Variants in SNRK observed in about 807,000 individuals in gnomAD.
SNRK encodes the protein SNF-related serine/threonine-protein kinase.
SNRK carries 3 observed loss-of-function variants against 48.2 expected under a neutral mutation model. That is an observed-to-expected ratio of 0.06 (90% CI 0.03 to 0.16). SNRK has a LOEUF of 0.16. Ranked by LOEUF, SNRK falls within the 10% of genes least tolerant of loss-of-function variation. SNRK has a pLI of 1.00. For synonymous variants in SNRK, 376 were observed against 366.1 expected (o/e 1.03, Z -0.31); for missense variants, 627 against 976.0 (o/e 0.64, Z 4.76).
At chr3:43,287,141 C>G (rs901284437) in intron 1 of SNRK, among the ~76,000 whole-genome samples, 1 of 151,608 alleles carries the variant, frequency 6.6e-6, no homozygotes, top group African/African-American at 2.4e-5. Context: ...GAAATCCGGC[C>G]TCAGCAAAAG....
chr3:43,292,500 T>C (rs1336167837), intron 1 of SNRK, among the ~76,000 whole-genome samples: 1 of 152,244 alleles, frequency 6.6e-6, no homozygotes, highest in East Asian at 1.9e-4. Context: ...TCCATTTGTT[T>C]TGTCCAGCAC....
Position 43,348,030 on chromosome 3 carries a change from G to A in SNRK, c.1771G>A (p.Gly591Arg), listed in dbSNP as rs2091291294. The change falls in exon 7 of 7, where the codon GGA becomes AGA. Residue 591 changes from glycine (G) to arginine (R), a missense_variant. This residue lies in a region of SNRK where 207 missense variants were observed against 234.3 expected (regional missense o/e 0.88). Transcript: ENST00000296088. ...CCAGAGCAAGCCAAGCAATGCCAGT[G>A]GAGGGGTGGACAAGGCCAGCCCCAG... ...GGQSKPSNAS[G>R]GVDKASPSEN... The A allele has an allele frequency of 6.2e-7, 1 of 1,610,332 alleles. No homozygotes were observed. Among genetic ancestry groups the A allele is most frequent in the Non-Finnish European group, 8.5e-7 (1 of 1,178,070 alleles).
At chr3:43,343,071 A>T (rs991850392) in intron 5 of SNRK, among the ~76,000 whole-genome samples, 3 of 152,194 alleles carry the variant, frequency 2.0e-5, no homozygotes, top group Non-Finnish European at 4.4e-5. Context: ...TCTAAAACTG[A>T]CGTCTAACTC....
intron 1 of SNRK, among the ~76,000 whole-genome samples, chr3:43,295,840 GC>G (rs2125614455): frequency 6.6e-6 from 1 of 152,294 alleles, no homozygotes; most frequent in Non-Finnish European, 1.5e-5. Flanking sequence ...CTGTGGTCAA[GC>G]GATTCTCCTG....
At chr3:43,297,800 ATATTT>A (rs1478198008) in intron 1 of SNRK, among the ~76,000 whole-genome samples, 1 of 152,186 alleles carries the variant, frequency 6.6e-6, no homozygotes, top group Admixed American at 6.5e-5. Flanking sequence ...ATTTTGTGAG[ATATTT>A]TATTGAAAAA....
chr3:43,339,130 A>G (rs1297772508), intron 4 of SNRK, among the ~76,000 whole-genome samples: 7 of 152,306 alleles, frequency 4.6e-5, no homozygotes, highest in East Asian at 3.9e-4. Context: ...TTACTTCTCT[A>G]CTAGTTGCCT....
intron 1 of SNRK, among the ~76,000 whole-genome samples, chr3:43,296,423 T>TATATATATATATTC (rs1553632591): frequency 7.0e-6 from 1 of 143,652 alleles, no homozygotes; most frequent in African/African-American, 2.6e-5. Context: ...GGCATATATA[T>TATATATATATATTC]ATATATATAT....
chr3:43,328,659 C>A (rs762038798), intron 3 of SNRK, among the ~76,000 whole-genome samples: 2 of 152,176 alleles, frequency 1.3e-5, no homozygotes, highest in Non-Finnish European at 2.9e-5. Context: ...TCTGGGGACC[C>A]AAGCTCCTGA....
At position 43,347,954 on chromosome 3, in the gene SNRK, C is replaced by T. The variant is rs2091290346; in HGVS notation, c.1695C>T (p.His565=). The part of the protein sequence containing the change: ...DKDSGFTYSW[H]RRDSSEGPPG... Reference sequence around the variant, plus strand: ...ATAGCGGGTTCACCTACTCCTGGCACCGACGGGATAGCAGCGAGGGGCCCC... The same window carrying T: ...ATAGCGGGTTCACCTACTCCTGGCATCGACGGGATAGCAGCGAGGGGCCCC... Residue 565 remains histidine (H), a synonymous_variant, in exon 7 of 7, where the codon CAC becomes CAT. Coordinates refer to ENST00000296088, the MANE Select transcript of SNRK (RefSeq NM_017719.5). The surrounding 1 kb of genome is among the most constrained non-coding windows in gnomAD (Gnocchi z 5.4). 3.7e-6 allele frequency: 6 copies of T among 1,614,122 alleles called. No homozygotes were observed. The East Asian group carries it at 1.3e-4, about 36-fold the overall frequency.
intron 3 of SNRK, among the ~76,000 whole-genome samples, chr3:43,328,751 G>A: frequency 6.6e-6 from 1 of 152,172 alleles, no homozygotes; most frequent in African/African-American, 2.4e-5. Flanking sequence ...ATCTCAAACT[G>A]TGTTGGCTTT....
At chr3:43,302,579 G>A (rs911649808) in intron 2 of SNRK, among the ~76,000 whole-genome samples, 4 of 151,702 alleles carry the variant, frequency 2.6e-5, no homozygotes, top group African/African-American at 9.7e-5. Context: ...GTGCTCTGGG[G>A]ATATTGAGGA....
rs1364757509 is a variant in SNRK, at chr3:43,288,243, T to G, written c.-169+1568T>G. Among the ~76,000 whole-genome samples, 4 of 152,208 alleles carry G rather than the reference T, an allele frequency of 2.6e-5. No individual in the cohort carries two copies. In the East Asian group the frequency reaches 7.7e-4, roughly 29 times the overall value. The stretch of plus-strand genomic sequence containing the variant: ...CTTTCAGTGCCACCTTTCAATTTTT[T>G]TTTAAATTTGTATAATCAGTTTTTA... On this transcript the variant is annotated intron_variant, in intron 1 of 6. Transcript: ENST00000296088.
At position 43,348,584 on chromosome 3, in the gene SNRK, G is replaced by A. The variant is rs377751138; in HGVS notation, c.*27G>A. The A allele has an allele frequency of 1.2e-5, 18 of 1,511,008 alleles. No homozygotes were observed. Among genetic ancestry groups the A allele is most frequent in the Non-Finnish European group, 1.6e-5 (18 of 1,134,728 alleles). The allele number at this position is 1,511,008 out of a possible 1,614,324, so 93.6% of individuals were successfully genotyped here. ...TGTGGCCCCATCTGGCCGCTAGCACGCTTCCTGCTCAGAGCAGTGAAGACC... is the reference window on the plus strand; with the variant it reads ...TGTGGCCCCATCTGGCCGCTAGCACACTTCCTGCTCAGAGCAGTGAAGACC... On this transcript the variant is annotated 3_prime_UTR_variant, in exon 7 of 7. Coordinates refer to ENST00000296088, the MANE Select transcript of SNRK (RefSeq NM_017719.5).
intron 1 of SNRK, among the ~76,000 whole-genome samples, chr3:43,293,465 G>T (rs1575529440): frequency 3.9e-5 from 6 of 152,228 alleles, no homozygotes; most frequent in Admixed American, 6.5e-5. Context: ...AGTAGTCTCT[G>T]CCTTTCCTGG....
At chr3:43,344,827 G>A (rs967940503) in intron 6 of SNRK, among the ~76,000 whole-genome samples, 29 of 152,158 alleles carry the variant, frequency 1.9e-4, no homozygotes, top group African/African-American at 6.7e-4. Flanking sequence ...TAACCCCAAG[G>A]CAGATCATCA....
intron 3 of SNRK, among the ~76,000 whole-genome samples, chr3:43,308,113 C>A (rs1365650961): frequency 6.6e-6 from 1 of 152,184 alleles, no homozygotes; most frequent in Non-Finnish European, 1.5e-5. Flanking sequence ...CTTCAGTTCT[C>A]TGAGGGCTAA....
intron 3 of SNRK, among the ~76,000 whole-genome samples, chr3:43,305,321 A>G (rs2090929131): frequency 6.6e-6 from 1 of 152,192 alleles, no homozygotes; most frequent in South Asian, 2.1e-4. Context: ...CGTTTTTAAC[A>G]GCATTGTTGA....
intron 6 of SNRK, among the ~76,000 whole-genome samples, chr3:43,345,115 T>A (rs1307036245): frequency 6.6e-6 from 1 of 152,148 alleles, no homozygotes; most frequent in African/African-American, 2.4e-5. Flanking sequence ...AAAAAAAATT[T>A]AAAAATACCA....
rs1296875256 is a variant in SNRK at position 43,350,325 on chromosome 3, TGAGC to T, written c.*1770_*1773del. On this transcript the variant is annotated 3_prime_UTR_variant, in exon 7 of 7. Transcript: ENST00000296088. ...TAAGATGTGTGGTTCACATAGATAG[TGAGC>T]GTAACATCTGTATTAAACATAGGAG... 1 of 152,636 alleles carries T rather than the reference TGAGC, an allele frequency of 6.6e-6. No individual in the cohort carries two copies. Among genetic ancestry groups the T allele is most frequent in the African/African-American group, 2.4e-5 (1 of 41,456 alleles). The allele number at this position is 152,636 out of a possible 1,614,324, so 9.5% of individuals were successfully genotyped here. A position where few individuals can be genotyped will look rare whatever the true frequency, so the allele number is the denominator to read the frequency against.
Sources: gnomAD v4.1 joint callset for allele counts (sites outside exome capture counted in the v4.1 genomes callset) on GRCh38, gnomAD v4.1.1 for gene constraint, gnomAD v4.1.1 regional missense constraint, Gnocchi (gnomAD v3.1) non-coding constraint, MANE v1.5 for transcripts, NCBI Gene and HGNC (gene_info 2026-07-23, HGNC 2026-07-21) for gene names.